The following SLFN12L variants were observed in gnomAD, a reference collection of about 807,000 sequenced individuals.
The protein encoded by SLFN12L is schlafen family member 12-like.
SLFN12L carries 34 observed loss-of-function variants against 34.8 expected under a neutral mutation model. The observed-to-expected ratio is 0.98, with a 90% CI of 0.74 to 1.30. SLFN12L has a LOEUF of 1.30. Ranked by LOEUF, SLFN12L falls within the 50% of genes most tolerant of loss-of-function variation. SLFN12L has a pLI of 0.00. For synonymous variants in SLFN12L, 259 were observed against 247.5 expected (o/e 1.05, Z -0.44); for missense variants, 703 against 696.2 (o/e 1.01, Z -0.11).
intron 3 of SLFN12L, 32 bp from the exon 4 acceptor site, chr17:35,478,217 G>C (rs1271966519): frequency 2.1e-6 from 3 of 1,419,980 alleles, no homozygotes; most frequent in African/African-American, 1.5e-5. Flanking sequence ...CAAAAATCAC[G>C]CTCTTAATTT....
At chr17:35,485,903 G>A (rs1914562588) in intron 2 of SLFN12L, among the ~76,000 whole-genome samples, 1 of 152,188 alleles carries the variant, frequency 6.6e-6, no homozygotes, top group Non-Finnish European at 1.5e-5. Context: ...TAGCCTTGAA[G>A]TATAGCTTGA....
intron 2 of SLFN12L, chr17:35,491,033 C>G (rs998238242): frequency 1.3e-6 from 1 of 787,658 alleles, no homozygotes; most frequent in African/African-American, 1.7e-5. Flanking sequence ...CAACCTCTTA[C>G]AGCAGACTGC....
intron 2 of SLFN12L, among the ~76,000 whole-genome samples, chr17:35,518,577 C>G (rs1045366873): frequency 2.0e-5 from 3 of 148,470 alleles, no homozygotes; most frequent in African/African-American, 7.4e-5. Flanking sequence ...GACATTTATG[C>G]ACCGAACAAA....
intron 2 of SLFN12L, among the ~76,000 whole-genome samples, chr17:35,520,083 G>C (rs145236395): frequency 2.6e-5 from 4 of 151,772 alleles, no homozygotes; most frequent in African/African-American, 4.8e-5. Flanking sequence ...ATTGAGTCAC[G>C]CGTCCCTACA....
At chr17:35,501,125 C>T (rs764154657) in intron 2 of SLFN12L, among the ~76,000 whole-genome samples, 2 of 152,240 alleles carry the variant, frequency 1.3e-5, no homozygotes, top group African/African-American at 2.4e-5. Context: ...GTCTAGGCAG[C>T]CCCTTAGGCA....
intron 2 of SLFN12L, chr17:35,490,330 A>G: frequency 7.1e-7 from 1 of 1,410,122 alleles, no homozygotes; most frequent in Non-Finnish European, 1.0e-6. Flanking sequence ...CAAAAACTCC[A>G]AAATCTACCT....
intron 2 of SLFN12L, among the ~76,000 whole-genome samples, chr17:35,505,645 T>C (rs1836261220): frequency 6.6e-6 from 1 of 152,106 alleles, no homozygotes; most frequent in Non-Finnish European, 1.5e-5. Context: ...TGTGTAGAGG[T>C]ATTGGACTCC....
chr17:35,510,749 A>T (rs1006728895), intron 2 of SLFN12L, among the ~76,000 whole-genome samples: 8 of 152,296 alleles, frequency 5.3e-5, no homozygotes, highest in African/African-American at 1.7e-4. Flanking sequence ...CTCAGTTTTA[A>T]AAAAAGGAAA....
rs8066132 is a variant in SLFN12L, at chr17:35,479,313, C to T, written c.969G>A (p.Gly323=). 0.14 allele frequency: 228,399 copies of T among 1,585,068 alleles called. 17,934 individuals are homozygous for T. The highest frequency in any genetic ancestry group is 0.25 in the South Asian group (22,147 of 88,000). Residue 323 remains glycine (G), a synonymous_variant, in exon 3 of 5, where the codon GGG becomes GGA. Coordinates refer to ENST00000628453, the MANE Select transcript of SLFN12L (RefSeq NM_001363830.2). ...LPVHHFCVEK[G]TINYLCKFLG... ...GGAATTTGCATAAGTAATTTATCGT[C>T]CCCTTCTCCACACAGAAGTGATGCA...
rs1327779658 is a variant in SLFN12L, at chr17:35,478,189, T to A, written c.1166-4A>T. 6.6e-7 allele frequency: 1 copy of A among 1,521,626 alleles called. No individual in the cohort carries two copies. The highest frequency in any genetic ancestry group is 1.4e-5 in the African/African-American group (1 of 71,726). 94.3% of individuals were successfully genotyped at this position (1,521,626 alleles called of 1,614,324 possible). A position where few individuals can be genotyped will look rare whatever the true frequency, so the allele number is the denominator to read the frequency against. ...GGAGAGGGCAGTTCCTCACATACTA[T>A]GGAATAATGTTAGAAAACAAAAATC... On this transcript the variant is annotated splice_region_variant and splice_polypyrimidine_tract_variant and intron_variant, in intron 3 of 4. Transcript: ENST00000628453.
intron 2 of SLFN12L, among the ~76,000 whole-genome samples, chr17:35,499,519 C>T (rs1486566039): frequency 1.3e-5 from 2 of 152,166 alleles, no homozygotes; most frequent in East Asian, 3.8e-4. Context: ...CGTACATTTG[C>T]TCAGGTATAA....
Position 35,475,462 on chromosome 17 carries a change from C to A in SLFN12L, c.1300G>T (p.Ala434Ser). ...AGATTTCTGCAGAAGGTTTTTGGAG[C>A]ACAAGTTATCTTTTCTGATAGCCCT... is the stretch of plus-strand genomic sequence containing the variant. Reference protein sequence around the residue: ...LPGLSEKITCAPKTFCRNLFS... With the variant: ...LPGLSEKITCSPKTFCRNLFS... Residue 434 changes from alanine (A) to serine (S), a missense_variant, in exon 5 of 5, where the codon GCT becomes TCT. Ala to Ser is a moderately conservative substitution (Grantham distance 99, BLOSUM62 1). Coordinates refer to ENST00000628453, the MANE Select transcript of SLFN12L (RefSeq NM_001363830.2). 1 of 1,608,324 alleles carries A rather than the reference C, an allele frequency of 6.2e-7. No individual in the cohort carries two copies. The highest frequency in any genetic ancestry group is 8.5e-7 in the Non-Finnish European group (1 of 1,177,768).
At chr17:35,488,053 A>C (rs1263310950) in intron 2 of SLFN12L, among the ~76,000 whole-genome samples, 1 of 152,088 alleles carries the variant, frequency 6.6e-6, no homozygotes, top group South Asian at 2.1e-4. Flanking sequence ...CTAAAAATAC[A>C]AAAAAATTAG....
Position 35,464,655 on chromosome 17 carries a change from T to G in SLFN12L, c.*10268A>C, listed in dbSNP as rs1311178645. The G allele has an allele frequency of 6.6e-6, 1 of 152,160 alleles. No individual in the cohort carries two copies. The highest frequency in any genetic ancestry group is 1.5e-5 in the Non-Finnish European group (1 of 68,034). The allele number at this position is 152,160 out of a possible 1,614,324, so 9.4% of individuals were successfully genotyped here. On this transcript the variant is annotated 3_prime_UTR_variant, in exon 5 of 5. Transcript: ENST00000628453. The stretch of plus-strand genomic sequence containing the variant: ...TGGTGTATATGTACCACATTTTCTT[T>G]ATCTAATCTGTCATTGATGAGCATT...
rs776868842 is a variant in SLFN12L at position 35,475,302 on chromosome 17, G to A, written c.1460C>T (p.Ala487Val). ...AGGCTTGTCCTGGGAAATCAGAAGA[G>A]CATCACAGAGGACTTTGTGGTTCTC... ...LQENHKVLCD[A>V]LLISQDKPPV... The change falls in exon 5 of 5, where the codon GCT (alanine) becomes GTT (valine). Residue 487 changes from alanine to valine, a missense_variant. Ala to Val is a moderately conservative substitution (Grantham distance 64). Coordinates refer to ENST00000628453, the MANE Select transcript of SLFN12L (RefSeq NM_001363830.2). The A allele has an allele frequency of 2.5e-6, 4 of 1,614,048 alleles. No individual in the cohort carries two copies. In the South Asian group the frequency reaches 4.4e-5, roughly 18 times the overall value.
intron 2 of SLFN12L, among the ~76,000 whole-genome samples, chr17:35,485,028 T>C (rs1049443930): frequency 2.0e-5 from 3 of 152,240 alleles, no homozygotes; most frequent in Admixed American, 1.3e-4. Flanking sequence ...TACAATTTTT[T>C]ACAGTACACT....
intron 2 of SLFN12L, among the ~76,000 whole-genome samples, chr17:35,481,031 A>G (rs907444914): frequency 3.9e-5 from 6 of 152,226 alleles, no homozygotes; most frequent in Non-Finnish European, 8.8e-5. Flanking sequence ...GAAAAAAACC[A>G]GGCCATACAG....
chr17:35,507,462 T>C (rs1338443311), intron 2 of SLFN12L, among the ~76,000 whole-genome samples: 1 of 152,184 alleles, frequency 6.6e-6, no homozygotes, highest in East Asian at 1.9e-4. Flanking sequence ...TCTATCAAAA[T>C]AGATTGGCTC....
chr17:35,527,595 C>G (rs2072350605), intron 1 of SLFN12L, among the ~76,000 whole-genome samples: 1 of 152,116 alleles, frequency 6.6e-6, no homozygotes, highest in Admixed American at 6.6e-5. Context: ...GAACGAATGA[C>G]AAAAGCCACA....
Sources: allele counts gnomAD v4.1 joint callset (sites outside exome capture counted in the v4.1 genomes callset), GRCh38; gene constraint gnomAD v4.1.1; transcripts MANE v1.5; gene names NCBI Gene and HGNC (gene_info 2026-07-23, HGNC 2026-07-21).